The following PDE4DIP variants were observed in gnomAD, a reference collection of about 807,000 sequenced individuals.
PDE4DIP encodes the protein myomegalin.
In PDE4DIP, 59 loss-of-function variants were observed where a neutral mutation model predicts 221.4. The ratio of observed to expected loss-of-function variants is 0.27; its 90% confidence interval spans 0.22 to 0.33. The LOEUF (loss-of-function observed/expected upper bound fraction) is 0.33, where lower values mean the gene tolerates loss of function less well. PDE4DIP is among the 10% of genes least tolerant of loss of function. The pLI, the probability that PDE4DIP is intolerant of heterozygous loss-of-function variation, is 1.00. For synonymous variants in PDE4DIP, 404 were observed against 815.9 expected (o/e 0.50, Z 8.60); for missense variants, 1,036 against 2,154.2 (o/e 0.48, Z 10.28).
chr1:148,958,461 T>G (rs1170417761), intron 5 of PDE4DIP, among the ~76,000 whole-genome samples: 30 of 152,306 alleles, frequency 2.0e-4, no homozygotes, highest in African/African-American at 7.2e-4. Context: ...TCCAGTTCAT[T>G]AACTTTGTTG....
chr1:148,967,691 A>G (rs2058443227), intron 12 of PDE4DIP, 35 bp from the exon 16 acceptor site: 1 of 1,098,534 alleles, frequency 9.1e-7, no homozygotes, highest in East Asian at 2.4e-5. Flanking sequence ...TGGGGTAATC[A>G]TTTTGACTGA....
chr1:148,979,708 G>T (rs181173235), intron 19 of PDE4DIP, 29 bp from the exon 23 acceptor site: 6 of 1,597,794 alleles, frequency 3.8e-6, no homozygotes, highest in African/African-American at 2.7e-5. Context: ...TGCCATTTGC[G>T]TATTGCTTCC....
At chr1:148,990,207 A>C in intron 21 of PDE4DIP, 1 of 984,898 alleles carries the variant, frequency 1.0e-6, no homozygotes, top group Non-Finnish European at 1.2e-6. Flanking sequence ...ATGGGAGAAA[A>C]AGTTTCAGCA....
chr1:148,987,479 AGT>A (rs782422336), intron 21 of PDE4DIP, among the ~76,000 whole-genome samples: 2 of 152,188 alleles, frequency 1.3e-5, no homozygotes, highest in Non-Finnish European at 1.5e-5. Context: ...AACGCATGGC[AGT>A]GTACCTGGGA....
chr1:149,013,650 G>T, intron 32 of PDE4DIP, among the ~76,000 whole-genome samples: 1 of 99,886 alleles, frequency 1.0e-5, no homozygotes, highest in East Asian at 2.7e-4. Flanking sequence ...AAGAAGCTTA[G>T]GTGAGCCAGA....
At chr1:148,984,362 G>A (rs2061562741) in intron 21 of PDE4DIP, 1 of 151,912 alleles carries the variant, frequency 6.6e-6, no homozygotes, top group Non-Finnish European at 1.5e-5. Flanking sequence ...TTTAAAAGAT[G>A]TTTCTATTAC....
chr1:148,983,452 A>T (rs1443620419), intron 21 of PDE4DIP: 1 of 152,298 alleles, frequency 6.6e-6, no homozygotes, highest in East Asian at 1.9e-4. Context: ...TAATGTCATA[A>T]ATGTGACTAG....
At chr1:148,832,766 C>T (rs370032903) in intron 1 of PDE4DIP, among the ~76,000 whole-genome samples, 15,072 of 133,238 alleles carry the variant, frequency 0.11, 55 homozygotes, top group Middle Eastern at 0.18. Flanking sequence ...CCAGCCTTTG[C>T]ATCCCAGGGA....
chr1:148,929,762 A>G (rs2047442985), intron 2 of PDE4DIP: 1 of 153,762 alleles, frequency 6.5e-6, no homozygotes, highest in African/African-American at 2.4e-5. Context: ...CCGAGAAGGA[A>G]TCTGTTTCTT....
chr1:148,971,492 G>A (rs1241644263), intron 14 of PDE4DIP, among the ~76,000 whole-genome samples: 1 of 151,910 alleles, frequency 6.6e-6, no homozygotes, highest in Non-Finnish European at 1.5e-5. Flanking sequence ...ATATACTCAA[G>A]GTGTACAGCA....
At chr1:148,954,266 A>G (rs1747936) in intron 5 of PDE4DIP, among the ~76,000 whole-genome samples, 13 of 151,150 alleles carry the variant, frequency 8.6e-5, no homozygotes, top group South Asian at 4.2e-4. Flanking sequence ...CAACTTTTAA[A>G]ATTTGTTCTT....
intron 5 of PDE4DIP, among the ~76,000 whole-genome samples, chr1:148,949,079 C>T (rs1425875175): frequency 1.3e-5 from 2 of 152,118 alleles, no homozygotes; most frequent in Admixed American, 1.3e-4. Context: ...TCTTTTTGAT[C>T]GCTGGCTAGT....
intron 21 of PDE4DIP, chr1:148,990,161 A>G (rs1553555632): frequency 1.1e-6 from 1 of 927,924 alleles, no homozygotes; most frequent in African/African-American, 1.8e-5. Flanking sequence ...AGCCTGGGCC[A>G]TTGCAAATAT....
chr1:149,025,210 G>A (rs1553626056), intron 38 of PDE4DIP, among the ~76,000 whole-genome samples: 2 of 151,910 alleles, frequency 1.3e-5, no homozygotes, highest in Non-Finnish European at 2.9e-5. Flanking sequence ...CGGGGATTTA[G>A]AGAAGTTATA....
At chr1:148,998,308 G>A (rs147345047) in exon 23 of PDE4DIP, 63 of 1,612,870 alleles carry the variant, frequency 3.9e-5, no homozygotes, top group Non-Finnish European at 4.3e-5. Flanking sequence ...GAGGAAAGCT[G>A]AGGAGGAACT....
At chr1:148,992,023 C>T (rs2063185833) in intron 22 of PDE4DIP, 50 bp downstream of exon 25, 1 of 638,712 alleles carries the variant, frequency 1.6e-6, no homozygotes, top group Non-Finnish European at 2.8e-6. Context: ...GCACACAGCC[C>T]TTCTGAGGTC....
chr1:149,010,945 G>A (rs61806631), intron 31 of PDE4DIP, among the ~76,000 whole-genome samples: 86,273 of 120,002 alleles, frequency 0.72, 32,395 homozygotes, highest in African/African-American at 0.92. Context: ...ATTCACATCT[G>A]TTGATCCACT....
At chr1:149,009,872 T>A (rs2068072771) in intron 30 of PDE4DIP, 81 bp downstream of exon 33, 8 of 1,051,936 alleles carry the variant, frequency 7.6e-6, no homozygotes, top group Non-Finnish European at 1.2e-5. Context: ...AGCTCCACCA[T>A]GGTGTGTATC....
chr1:148,986,611 TTAAC>T (rs1430715389), intron 21 of PDE4DIP: 1 of 152,172 alleles, frequency 6.6e-6, no homozygotes, highest in East Asian at 1.9e-4. Flanking sequence ...GAATGAGTCT[TTAAC>T]TAAAGGAAGG....
Sources: allele counts gnomAD v4.1 joint callset (sites outside exome capture counted in the v4.1 genomes callset), GRCh38; gene constraint gnomAD v4.1.1; transcripts MANE v1.5; gene names NCBI Gene and HGNC (gene_info 2026-07-23, HGNC 2026-07-21).